FAM98B: variants seen among roughly 807,000 people sequenced by gnomAD.
FAM98B encodes tRNA splicing ligase complex subunit 3B.
FAM98B carries 32 observed loss-of-function variants against 43.9 expected under a neutral mutation model. That is an observed-to-expected ratio of 0.73 (90% CI 0.55 to 0.98). The LOEUF (loss-of-function observed/expected upper bound fraction) is 0.98. FAM98B is among the 50% of genes least tolerant of loss of function. The probability of loss-of-function intolerance (pLI) is 0.00; values close to 1 mark genes in which losing one functional copy is unlikely to be tolerated. For synonymous variants in FAM98B, 190 were observed against 174.0 expected (o/e 1.09, Z -0.72); for missense variants, 514 against 522.9 (o/e 0.98, Z 0.17).
intron 3 of FAM98B, among the ~76,000 whole-genome samples, chr15:38,467,348 G>A (rs1890051753): frequency 1.3e-5 from 2 of 152,014 alleles, no homozygotes; most frequent in Admixed American, 6.6e-5. Flanking sequence ...AAATCAACAG[G>A]AAAAAGATAA....
chr15:38,475,276 G>A (rs1440644350), intron 6 of FAM98B, among the ~76,000 whole-genome samples: 1 of 152,118 alleles, frequency 6.6e-6, no homozygotes, highest in Non-Finnish European at 1.5e-5. Context: ...TCTCATAAGT[G>A]TGGTGCTTCT....
chr15:38,471,955 C>T (rs867752937), intron 4 of FAM98B, among the ~76,000 whole-genome samples: 1 of 152,106 alleles, frequency 6.6e-6, no homozygotes, highest in African/African-American at 2.4e-5. Flanking sequence ...TCGCATCACC[C>T]GTGGTTATGG....
intron 1 of FAM98B, among the ~76,000 whole-genome samples, chr15:38,461,239 C>G (rs1183117947): frequency 6.6e-6 from 1 of 152,120 alleles, no homozygotes; most frequent in Non-Finnish European, 1.5e-5. Context: ...AAGATGTTTA[C>G]TATGAAATCT....
Position 38,454,133 on chromosome 15 carries a change from A to T in FAM98B, c.-29A>T. On this transcript the variant is annotated 5_prime_UTR_variant, in exon 1 of 8. Transcript: ENST00000397609. Reference sequence around the variant, plus strand: ...CGCTAGTTTCCGGCGGGCTACTTAGAGCGCCGAACAGCTCTGGGCCAAAGG... The same window carrying T: ...CGCTAGTTTCCGGCGGGCTACTTAGTGCGCCGAACAGCTCTGGGCCAAAGG... The T allele has an allele frequency of 2.5e-6, 4 of 1,579,278 alleles. No homozygotes were observed. The highest frequency in any genetic ancestry group is 3.4e-6 in the Non-Finnish European group (4 of 1,163,304).
At chr15:38,478,079 AC>A (rs1890231335) in intron 6 of FAM98B, among the ~76,000 whole-genome samples, 2 of 152,236 alleles carry the variant, frequency 1.3e-5, no homozygotes, top group African/African-American at 4.8e-5. Flanking sequence ...GTCTTAACGT[AC>A]TTTGATATTT....
At chr15:38,454,650 C>T (rs888660051) in intron 1 of FAM98B, among the ~76,000 whole-genome samples, 7 of 152,184 alleles carry the variant, frequency 4.6e-5, no homozygotes, top group Non-Finnish European at 8.8e-5. Context: ...CAACTTGTGG[C>T]TTACTTGGGG....
At chr15:38,476,746 A>C (rs1188616024) in intron 6 of FAM98B, among the ~76,000 whole-genome samples, 1 of 144,666 alleles carries the variant, frequency 6.9e-6, no homozygotes, top group Non-Finnish European at 1.5e-5. Context: ...CCTCTAGCAT[A>C]ATTTTTTGTT....
Position 38,484,454 on chromosome 15 carries a change from G to A in FAM98B, c.1097G>A (p.Trp366Ter). ...GGCTGGGGGGGTGGAGGAGGAGGTT[G>A]GGGAGGTGGTGGGGGAGGGGGAGGA... ...RGGWGGGGGGWGGGGGGGGGW... is the reference protein window; with the variant it reads ...RGGWGGGGGG The change falls in exon 8 of 8, where the codon TGG becomes TAG. Residue 366 changes from tryptophan (W) to a stop codon, truncating the protein, a stop_gained. Coordinates refer to ENST00000397609, the MANE Select transcript of FAM98B (RefSeq NM_173611.4). LOFTEE classifies it low-confidence loss of function (END_TRUNC). 1 of 1,003,688 alleles carries A rather than the reference G, an allele frequency of 1.0e-6. No individual in the cohort carries two copies. Among genetic ancestry groups the A allele is most frequent in the Non-Finnish European group, 1.2e-6 (1 of 828,070 alleles). The allele number at this position is 1,003,688 out of a possible 1,614,324, so 62.2% of individuals were successfully genotyped here.
intron 4 of FAM98B, among the ~76,000 whole-genome samples, chr15:38,471,071 A>C (rs958116740): frequency 6.6e-6 from 1 of 151,982 alleles, no homozygotes; most frequent in Non-Finnish European, 1.5e-5. Context: ...TTAAATATGC[A>C]GTCCTCTAGG....
At chr15:38,473,621 TA>T (rs767266136) in intron 5 of FAM98B, 36 bp downstream of exon 5, 30 of 1,494,578 alleles carry the variant, frequency 2.0e-5, no homozygotes, top group Non-Finnish European at 2.6e-5. Flanking sequence ...TTTATGTAAT[TA>T]CATTAGTGAA....
chr15:38,480,172 T>A (rs1890261802), intron 6 of FAM98B, among the ~76,000 whole-genome samples: 1 of 152,190 alleles, frequency 6.6e-6, no homozygotes, highest in Admixed American at 6.5e-5. Flanking sequence ...ATTTTTATAA[T>A]GTAGTTGTTT....
chr15:38,461,220 AG>A (rs1391610009), intron 1 of FAM98B, among the ~76,000 whole-genome samples: 3 of 152,220 alleles, frequency 2.0e-5, no homozygotes, highest in Admixed American at 1.3e-4. Flanking sequence ...AAAGCAAATA[AG>A]AGGATATAAG....
At chr15:38,461,434 G>C (rs565137718) in intron 1 of FAM98B, among the ~76,000 whole-genome samples, 4 of 152,134 alleles carry the variant, frequency 2.6e-5, no homozygotes, top group Non-Finnish European at 5.9e-5. Context: ...CTATGTTAAT[G>C]ATGGAGCATT....
chr15:38,484,732 T>C lies in FAM98B; in HGVS notation c.*73T>C, dbSNP rs1890344652. The C allele has an allele frequency of 2.7e-6, 4 of 1,476,328 alleles. No individual in the cohort carries two copies. The highest frequency in any genetic ancestry group is 3.6e-6 in the Non-Finnish European group (4 of 1,124,264). 91.5% of individuals were successfully genotyped at this position (1,476,328 alleles called of 1,614,324 possible). A position where few individuals can be genotyped will look rare whatever the true frequency, so the allele number is the denominator to read the frequency against. Reference sequence around the variant, plus strand: ...AGAAATAGTGTTCCAAATAACATACTTGAATATCATCTTTGAAGTAAACAC... The same window carrying C: ...AGAAATAGTGTTCCAAATAACATACCTGAATATCATCTTTGAAGTAAACAC... On this transcript the variant is annotated 3_prime_UTR_variant, in exon 8 of 8. Coordinates refer to ENST00000397609, the MANE Select transcript of FAM98B (RefSeq NM_173611.4).
chr15:38,484,401 AGGTGGT>A lies in FAM98B; in HGVS notation c.1047_1052del (p.Gly354_Gly355del). Reference sequence around the variant, plus strand: ...GTGGTGGTGGAGGTGGTGGTAGAGGAGGTGGTGGGGGTGGGGGTGGGAGAGGTGGCT... The same window carrying A: ...GTGGTGGTGGAGGTGGTGGTAGAGGAGGGGGTGGGGGTGGGAGAGGTGGCT... On this transcript the variant is annotated inframe_deletion, in exon 8 of 8. Coordinates refer to ENST00000397609, the MANE Select transcript of FAM98B (RefSeq NM_173611.4). The A allele has an allele frequency of 5.5e-6, 4 of 729,704 alleles. No individual in the cohort carries two copies. The highest frequency in any genetic ancestry group is 7.2e-6 in the Non-Finnish European group (4 of 552,076). 45.2% of individuals were successfully genotyped at this position (729,704 alleles called of 1,614,324 possible).
intron 3 of FAM98B, among the ~76,000 whole-genome samples, chr15:38,467,655 T>C (rs547754451): frequency 6.6e-6 from 1 of 152,352 alleles, no homozygotes; most frequent in African/African-American, 2.4e-5. Context: ...TGGCAATTGT[T>C]TGTCTATGAA....
intron 4 of FAM98B, 36 bp from the exon 5 acceptor site, chr15:38,473,469 T>A (rs1312609210): frequency 6.9e-7 from 1 of 1,441,152 alleles, no homozygotes; most frequent in East Asian, 2.3e-5. Context: ...AAATTAGGAA[T>A]ATACATTTTT....
At chr15:38,463,616 T>C (rs1262855718) in intron 1 of FAM98B, among the ~76,000 whole-genome samples, 3 of 152,186 alleles carry the variant, frequency 2.0e-5, no homozygotes, top group African/African-American at 4.8e-5. Context: ...TTTAAATTTG[T>C]AATTTGTGTC....
chr15:38,469,773 CTTT>C (rs926981932), intron 3 of FAM98B, among the ~76,000 whole-genome samples: 1 of 144,622 alleles, frequency 6.9e-6, no homozygotes. Context: ...TTGTAGTGCC[CTTT>C]TTTTTTTTGT....
Sources: allele counts gnomAD v4.1 joint callset (sites outside exome capture counted in the v4.1 genomes callset), GRCh38; gene constraint gnomAD v4.1.1; transcripts MANE v1.5; gene names NCBI Gene and HGNC (gene_info 2026-07-23, HGNC 2026-07-21).